ASXL1: variants seen among roughly 807,000 people sequenced by gnomAD.
ASXL1 encodes polycomb group protein ASXL1.
Under a neutral mutation model 89.1 loss-of-function variants are expected in ASXL1, and 65 were observed. The ratio of observed to expected loss-of-function variants is 0.73; its 90% CI spans 0.60 to 0.90. The LOEUF (loss-of-function observed/expected upper bound fraction) is 0.90. Among genes scored for constraint, ASXL1 ranks in the 40% least tolerant of loss-of-function variants. ASXL1 has a pLI of 0.00. For synonymous variants in ASXL1, 739 were observed against 746.9 expected, an observed-to-expected ratio of 0.99 and a Z score of 0.17; for missense variants, 1,786 against 1,942.9, an observed-to-expected ratio of 0.92 and a Z score of 1.52.
intron 1 of ASXL1, chr20:32,360,451 G>C (rs749446781): frequency 6.6e-6 from 1 of 152,468 alleles, no homozygotes; most frequent in Non-Finnish European, 1.5e-5. Context: ...TGGGGAGTGG[G>C]AGAGAGCTCT....
intron 4 of ASXL1, among the ~76,000 whole-genome samples, chr20:32,425,295 A>C (rs1195198347): frequency 6.6e-6 from 1 of 152,220 alleles, no homozygotes; most frequent in Non-Finnish European, 1.5e-5. Flanking sequence ...CCAGATTTCA[A>C]ATGCTGCATC....
At position 32,402,128 on chromosome 20, in the gene ASXL1, C is replaced by T. The variant is rs544330686; in HGVS notation, c.253-26000C>T. 2.6e-4 allele frequency among the ~76,000 whole-genome samples: 40 copies of T among 152,272 alleles called. No individual in the cohort carries two copies. In the South Asian group the frequency reaches 6.6e-3, roughly 25 times the overall value. On this transcript the variant is annotated intron_variant, in intron 4 of 12. Coordinates refer to ENST00000375687, the MANE Select transcript of ASXL1 (RefSeq NM_015338.6). ...CGGCAAAATGCCTTTGAAATCGATCCAAGTCCTATGTATTAACACTGTTTC... is the reference window on the plus strand; with the variant it reads ...CGGCAAAATGCCTTTGAAATCGATCTAAGTCCTATGTATTAACACTGTTTC...
intron 4 of ASXL1, among the ~76,000 whole-genome samples, chr20:32,418,658 C>A (rs1341784721): frequency 6.6e-6 from 1 of 152,070 alleles, no homozygotes; most frequent in Non-Finnish European, 1.5e-5. Flanking sequence ...CTAAAACTTT[C>A]TAAAAAGCAA....
intron 4 of ASXL1, among the ~76,000 whole-genome samples, chr20:32,373,385 G>A (rs2048331268): frequency 6.6e-6 from 1 of 151,834 alleles, no homozygotes; most frequent in Non-Finnish European, 1.5e-5. Context: ...CTCAAGAACA[G>A]TTTTGATGAA....
chr20:32,405,484 ACT>A (rs1315138093), intron 4 of ASXL1, among the ~76,000 whole-genome samples: 2 of 152,212 alleles, frequency 1.3e-5, no homozygotes, highest in African/African-American at 4.8e-5. Flanking sequence ...AGAAAATTAC[ACT>A]GAGTCATTAT....
intron 4 of ASXL1, among the ~76,000 whole-genome samples, chr20:32,418,050 C>T (rs1011442557): frequency 2.0e-5 from 3 of 151,694 alleles, no homozygotes; most frequent in African/African-American, 7.3e-5. Context: ...TAGTGGCAGG[C>T]GCCTGTAACC....
chr20:32,432,368 G>A (rs1260248872), intron 10 of ASXL1: 1 of 180,658 alleles, frequency 5.5e-6, no homozygotes, highest in Non-Finnish European at 1.2e-5. Context: ...TCGGTGCCCA[G>A]GGTTTTTATC....
In ASXL1 at chr20:32,369,423, A is replaced by AT. The variant is rs573450428; in HGVS notation, c.252+308dup. On this transcript the variant is annotated intron_variant, in intron 4 of 12. Transcript: ENST00000375687. ...GCCACCATGCTCGGCTAATTTTTTTATTTTTTTTAATAGAGACGGGGTTTC... is the reference window on the plus strand; with the variant it reads ...GCCACCATGCTCGGCTAATTTTTTTATTTTTTTTTAATAGAGACGGGGTTTC... Among the ~76,000 whole-genome samples the AT allele has an allele frequency of 9.1e-4, 138 of 151,334 alleles. 4 individuals are homozygous for AT. In the East Asian group the frequency reaches 0.022, roughly 24 times the overall value.
At chr20:32,415,858 T>C (rs1429430748) in intron 4 of ASXL1, among the ~76,000 whole-genome samples, 2 of 152,160 alleles carry the variant, frequency 1.3e-5, no homozygotes, top group Non-Finnish European at 2.9e-5. Flanking sequence ...CAAAGAAGTA[T>C]ATGTTCATTT....
intron 4 of ASXL1, among the ~76,000 whole-genome samples, chr20:32,400,953 A>T (rs2048861910): frequency 6.6e-6 from 1 of 152,216 alleles, no homozygotes; most frequent in Non-Finnish European, 1.5e-5. Context: ...GTGAGAGGGT[A>T]AATCTGGTCC....
chr20:32,406,984 G>C (rs2048966527), intron 4 of ASXL1, among the ~76,000 whole-genome samples: 1 of 152,164 alleles, frequency 6.6e-6, no homozygotes, highest in South Asian at 2.1e-4. Flanking sequence ...TAGTTTGGGG[G>C]AAGAGAAGGG....
chr20:32,430,186 AT>A, intron 8 of ASXL1, 133 bp downstream of exon 8: 2 of 1,224,750 alleles, frequency 1.6e-6, no homozygotes, highest in Non-Finnish European at 2.2e-6. Flanking sequence ...TTTTTTGTTT[AT>A]TTTTACTTTG....
chr20:32,426,554 C>CTTTTTTTT (rs1177815042), intron 4 of ASXL1, among the ~76,000 whole-genome samples: 5 of 83,952 alleles, frequency 6.0e-5, no homozygotes, highest in African/African-American at 2.3e-4. Flanking sequence ...TTTTTTCTTT[C>CTTTTTTTT]TTTTTTTTTT....
rs372630902 is a variant in ASXL1, at chr20:32,433,869, C to G, written c.1671C>G (p.Thr557=). ...GTAACACAATTGAAAGTGTTCACAC[C>G]GAAAAGCCACAGCCCACTAAAGAGG... ...SFRNTIESVH[T]EKPQPTKEEP... Residue 557 remains threonine, a synonymous_variant, in exon 12 of 13, where the codon ACC becomes ACG. Transcript: ENST00000375687. 15 of 1,613,688 alleles carry G rather than the reference C, an allele frequency of 9.3e-6. No homozygotes were observed. Among genetic ancestry groups the G allele is most frequent in the African/African-American group, 1.3e-5 (1 of 74,914 alleles).
Position 32,435,925 on chromosome 20 carries a change from G to T in ASXL1, c.3213G>T (p.Ala1071=). 2 of 1,614,152 alleles carry T rather than the reference G, an allele frequency of 1.2e-6. No individual in the cohort carries two copies. The highest frequency in any genetic ancestry group is 1.1e-5 in the South Asian group (1 of 91,084). Residue 1071 remains alanine, a synonymous_variant, in exon 13 of 13, where the codon GCG becomes GCT. Coordinates refer to ENST00000375687, the MANE Select transcript of ASXL1 (RefSeq NM_015338.6). ...APQSWVSRVC[A]VRQKIPDSLL... is the part of the protein sequence containing the mutation. ...AGAGCTGGGTGTCTCGAGTATGTGC[G>T]GTCCGCCAAAAGATCCCAGATTCCC...
chr20:32,394,719 T>A (rs1371449699), intron 4 of ASXL1, among the ~76,000 whole-genome samples: 1 of 142,524 alleles, frequency 7.0e-6, no homozygotes, highest in Non-Finnish European at 1.5e-5. Flanking sequence ...TTTAAAACAA[T>A]TTTTTTTTTT....
At chr20:32,427,242 AT>A (rs973809759) in intron 4 of ASXL1, 4 of 152,098 alleles carry the variant, frequency 2.6e-5, no homozygotes, top group Non-Finnish European at 5.9e-5. Context: ...AGGAGGTGAA[AT>A]TTGGGATGGA....
At chr20:32,426,239 C>T (rs1600569599) in intron 4 of ASXL1, among the ~76,000 whole-genome samples, 4 of 151,928 alleles carry the variant, frequency 2.6e-5, no homozygotes, top group Non-Finnish European at 2.9e-5. Flanking sequence ...AATAGTTTTC[C>T]GTTGGCAGCA....
chr20:32,439,304 A>C lies in ASXL1; in HGVS notation c.*1966A>C. ...GTCTCTTGTGGTATTGGAACAATAA[A>C]CCCGTACAACCTGCAGTTGTGGTCT... On this transcript the variant is annotated 3_prime_UTR_variant, in exon 13 of 13. Transcript: ENST00000375687. 1 of 230,958 alleles carries C rather than the reference A, an allele frequency of 4.3e-6. No individual in the cohort carries two copies. The highest frequency in any genetic ancestry group is 8.6e-6 in the Non-Finnish European group (1 of 116,402). 14.3% of individuals were successfully genotyped at this position (230,958 alleles called of 1,614,324 possible).
Sources: allele counts gnomAD v4.1 joint callset (sites outside exome capture counted in the v4.1 genomes callset), GRCh38; gene constraint gnomAD v4.1.1; transcripts MANE v1.5; gene names NCBI Gene and HGNC (gene_info 2026-07-23, HGNC 2026-07-21).